PCDH15: variants seen among roughly 807,000 people sequenced by gnomAD.
PCDH15 encodes protocadherin-15.
In PCDH15, 129 loss-of-function variants were observed where a neutral mutation model predicts 178.5. The ratio of observed to expected loss-of-function variants is 0.72; its 90% confidence interval spans 0.63 to 0.84. The LOEUF is 0.84. Ranked by LOEUF, PCDH15 falls within the 40% of genes least tolerant of loss-of-function variation. The pLI is 0.00. For synonymous variants in PCDH15, 800 were observed against 732.0 expected (o/e 1.09, Z -1.50); for missense variants, 2,230 against 2,099.9 (o/e 1.06, Z -1.21).
At chr10:54,977,131 T>C (rs932402514) in intron 2 of PCDH15, among the ~76,000 whole-genome samples, 1 of 152,154 alleles carries the variant, frequency 6.6e-6, no homozygotes, top group Admixed American at 6.5e-5. Context: ...ATTTAAGAGA[T>C]TGGAAAATGA....
intron 2 of PCDH15, among the ~76,000 whole-genome samples, chr10:54,596,127 T>TCC (rs2092224674): frequency 6.6e-6 from 1 of 151,914 alleles, no homozygotes; most frequent in Admixed American, 6.6e-5. Flanking sequence ...ACAAAGTACT[T>TCC]CACAAGAAGA....
At chr10:54,740,894 A>G (rs11004527) in intron 1 of PCDH15, among the ~76,000 whole-genome samples, 19,062 of 151,872 alleles carry the variant, frequency 0.13, 1,362 homozygotes, top group African/African-American at 0.18. Flanking sequence ...TGGATGAAGA[A>G]AGATTGGTTA....
At chr10:55,461,410 C>T (rs928697865) in intron 2 of PCDH15, among the ~76,000 whole-genome samples, 14 of 152,098 alleles carry the variant, frequency 9.2e-5, no homozygotes, top group African/African-American at 2.7e-4. Context: ...TTCCTCTACC[C>T]CCCTGTAATT....
At chr10:54,115,534 C>T (rs2095098343) in intron 15 of PCDH15, among the ~76,000 whole-genome samples, 1 of 152,224 alleles carries the variant, frequency 6.6e-6, no homozygotes, top group Non-Finnish European at 1.5e-5. Context: ...AAGCAGCTTT[C>T]TGAGGCAACC....
intron 2 of PCDH15, among the ~76,000 whole-genome samples, chr10:55,498,561 C>T (rs1840585935): frequency 6.6e-6 from 1 of 151,862 alleles, no homozygotes; most frequent in Non-Finnish European, 1.5e-5. Context: ...TTACACATAA[C>T]CTCATTGTTC....
At chr10:54,725,458 C>T (rs1391442797) in intron 1 of PCDH15, among the ~76,000 whole-genome samples, 1 of 147,148 alleles carries the variant, frequency 6.8e-6, no homozygotes, top group African/African-American at 2.5e-5. Context: ...GGAAGGATCA[C>T]TTGAACTCAG....
chr10:54,394,886 T>A (rs1282896207), intron 3 of PCDH15, among the ~76,000 whole-genome samples: 1 of 152,158 alleles, frequency 6.6e-6, no homozygotes, highest in Non-Finnish European at 1.5e-5. Context: ...TCAGTGATAT[T>A]TCTCCCATTT....
At chr10:54,319,475 G>C (rs1248598547) in intron 7 of PCDH15, among the ~76,000 whole-genome samples, 1 of 152,024 alleles carries the variant, frequency 6.6e-6, no homozygotes, top group Non-Finnish European at 1.5e-5. Context: ...TGCAATATCT[G>C]GCAGCAGTAA....
intron 11 of PCDH15, 116 bp from the exon 12 acceptor site, chr10:54,185,384 A>T: frequency 8.8e-7 from 1 of 1,140,146 alleles, no homozygotes; most frequent in Non-Finnish European, 1.3e-6. Flanking sequence ...AGTATTAAGA[A>T]TTTCTAACGA....
intron 5 of PCDH15, among the ~76,000 whole-genome samples, chr10:54,355,845 T>C (rs1422288115): frequency 6.6e-6 from 1 of 152,012 alleles, no homozygotes; most frequent in Non-Finnish European, 1.5e-5. Flanking sequence ...AGTAATCAAA[T>C]CTCTATTGCT....
At chr10:54,297,567 C>T (rs932588580) in intron 8 of PCDH15, among the ~76,000 whole-genome samples, 3 of 152,144 alleles carry the variant, frequency 2.0e-5, no homozygotes, top group Non-Finnish European at 4.4e-5. Context: ...CTATAGCTCC[C>T]CTTCCTGTTA....
chr10:54,478,242 G>A (rs746618810), intron 3 of PCDH15, among the ~76,000 whole-genome samples: 6 of 151,862 alleles, frequency 4.0e-5, no homozygotes, highest in Non-Finnish European at 7.4e-5. Flanking sequence ...AATTCCAATC[G>A]GCAGGCATAT....
At chr10:54,876,363 G>T (rs966651677) in intron 3 of PCDH15, among the ~76,000 whole-genome samples, 1 of 152,140 alleles carries the variant, frequency 6.6e-6, no homozygotes, top group African/African-American at 2.4e-5. Flanking sequence ...TATCCATTCT[G>T]CAGCCCATAA....
At chr10:53,844,493 T>G (rs17556457) in intron 28 of PCDH15, among the ~76,000 whole-genome samples, 1 of 151,822 alleles carries the variant, frequency 6.6e-6, no homozygotes, top group East Asian at 1.9e-4. Context: ...AACAGAAAAT[T>G]TGCTTTTTTG....
intron 1 of PCDH15, among the ~76,000 whole-genome samples, chr10:54,745,785 A>C (rs924228402): frequency 6.6e-6 from 1 of 152,226 alleles, no homozygotes; most frequent in Non-Finnish European, 1.5e-5. Flanking sequence ...GTGCTTTCAA[A>C]TATAAGCCAG....
intron 21 of PCDH15, among the ~76,000 whole-genome samples, chr10:53,993,220 T>A (rs1437970132): frequency 6.6e-6 from 1 of 152,244 alleles, no homozygotes; most frequent in African/African-American, 2.4e-5. Flanking sequence ...ATATTAAGAA[T>A]TTTTTCTACA....
At chr10:54,479,128 T>C (rs947988213) in intron 3 of PCDH15, among the ~76,000 whole-genome samples, 6 of 152,230 alleles carry the variant, frequency 3.9e-5, no homozygotes, top group Admixed American at 3.3e-4. Context: ...ATTTTTTATT[T>C]AAAATTTCAG....
intron 2 of PCDH15, among the ~76,000 whole-genome samples, chr10:54,980,353 A>G (rs1356630375): frequency 6.6e-6 from 1 of 152,092 alleles, no homozygotes; most frequent in African/African-American, 2.4e-5. Flanking sequence ...AAGAGAGTAA[A>G]TACTCTTTTT....
intron 23 of PCDH15, among the ~76,000 whole-genome samples, chr10:53,943,123 G>C (rs930693430): frequency 1.3e-5 from 2 of 152,038 alleles, no homozygotes; most frequent in African/African-American, 4.8e-5. Flanking sequence ...TAATTCATCT[G>C]TTTGCTATTC....
Sources: gnomAD v4.1 joint callset for allele counts (sites outside exome capture counted in the v4.1 genomes callset) on GRCh38, gnomAD v4.1.1 for gene constraint, MANE v1.5 for transcripts, NCBI Gene and HGNC (gene_info 2026-07-23, HGNC 2026-07-21) for gene names.